Variants in CDC42BPG observed in about 807,000 individuals in gnomAD.
The protein encoded by CDC42BPG is serine/threonine-protein kinase MRCK gamma.
CDC42BPG carries 157 observed loss-of-function variants against 192.2 expected under a neutral mutation model. The ratio of observed to expected loss-of-function variants is 0.82; its 90% CI spans 0.72 to 0.93. The LOEUF (loss-of-function observed/expected upper bound fraction) is 0.93. Ranked by LOEUF, CDC42BPG falls within the 40% of genes least tolerant of loss-of-function variation. CDC42BPG has a pLI of 0.00. For missense variants in CDC42BPG, 1,992 were observed against 2,122.1 expected, an observed-to-expected ratio of 0.94 and a Z score of 1.20; for synonymous variants, 981 against 918.5, an observed-to-expected ratio of 1.07 and a Z score of -1.23.
intron 24 of CDC42BPG, 113 bp downstream of exon 24, chr11:64,833,118 G>A (rs1029712337): frequency 3.9e-6 from 5 of 1,271,224 alleles, no homozygotes; most frequent in African/African-American, 3.0e-5. Context: ...AGCTGAGCAG[G>A]AGGAAATTTG....
Position 64,836,726 on chromosome 11 carries a change from G to GGCCC in CDC42BPG, c.1384+12_1384+13insGGGC. 1.1e-6 allele frequency: 1 copy of GGCCC among 889,332 alleles called. No homozygotes were observed. Among genetic ancestry groups the GGCCC allele is most frequent in the Non-Finnish European group, 1.6e-6 (1 of 622,134 alleles). 55.1% of individuals were successfully genotyped at this position (889,332 alleles called of 1,614,324 possible). A position where few individuals can be genotyped will look rare whatever the true frequency, so the allele number is the denominator to read the frequency against. On this transcript the variant is annotated intron_variant, in intron 11 of 36. Transcript: ENST00000342711. ...AGCCCTGGGGGGGGGGGGGGGGTGG[G>GGCCC]CGGAAGGGATACCTGGCAGCCTGTC...
intron 30 of CDC42BPG, 57 bp from the exon 31 acceptor site, chr11:64,827,840 C>G: frequency 1.4e-6 from 2 of 1,418,630 alleles, no homozygotes; most frequent in Non-Finnish European, 9.7e-7. Flanking sequence ...CAGGGAACAC[C>G]TTGTCCCCTG....
At position 64,839,510 on chromosome 11, in the gene CDC42BPG, C is replaced by T. The variant is rs375157390; in HGVS notation, c.643G>A (p.Gly215Ser). Residue 215 changes from glycine to serine, a missense_variant, in exon 6 of 37, where the codon GGC (glycine) becomes AGC (serine). Transcript: ENST00000342711. Reference protein sequence around the residue: ...VNGHIRLADFGSCLRLNTNGM... With the variant: ...VNGHIRLADFSSCLRLNTNGM... ...TTGGTGTTGAGACGCAGGCAGGAGCCGAAGTCAGCCAGGCGAATGTGCCCG... is the reference window on the plus strand; with the variant it reads ...TTGGTGTTGAGACGCAGGCAGGAGCTGAAGTCAGCCAGGCGAATGTGCCCG... 30 of 1,613,110 alleles carry T rather than the reference C, an allele frequency of 1.9e-5. No individual in the cohort carries two copies. The highest frequency in any genetic ancestry group is 5.0e-5 in the Admixed American group (3 of 59,988).
chr11:64,841,623 C>T (rs1323255236), intron 3 of CDC42BPG, 27 bp downstream of exon 3: 13 of 1,604,488 alleles, frequency 8.1e-6, no homozygotes, highest in Middle Eastern at 1.7e-4. Context: ...GTAGGGTGCC[C>T]AAGGGCCCCC....
intron 5 of CDC42BPG, among the ~76,000 whole-genome samples, 164 bp from the exon 6 acceptor site, chr11:64,839,735 C>A (rs1399579235): frequency 6.6e-6 from 1 of 152,048 alleles, no homozygotes; most frequent in African/African-American, 2.4e-5. Context: ...TGTAGATGAT[C>A]CCACAGGCCA....
chr11:64,833,949 G>A lies in CDC42BPG; in HGVS notation c.2442C>T (p.Pro814=), dbSNP rs1471011029. 6.2e-7 allele frequency: 1 copy of A among 1,614,258 alleles called. No homozygotes were observed. The highest frequency in any genetic ancestry group is 8.5e-7 in the Non-Finnish European group (1 of 1,180,036). Residue 814 remains proline (P), a synonymous_variant, in exon 21 of 37, where the codon CCC becomes CCT. Transcript: ENST00000342711. ...VDTKPSNSLI[P]FLSFRSSEKD... is the part of the protein sequence containing the mutation. ...CCTCTGAGCTCCGGAAGGACAGGAA[G>A]GGAATCAGGGAGTTTGAGGGCTTGG...
chr11:64,839,396 C>A, intron 6 of CDC42BPG, 82 bp downstream of exon 6: 4 of 1,518,586 alleles, frequency 2.6e-6, no homozygotes, highest in East Asian at 4.6e-5. Context: ...GATGCCTCTG[C>A]ACTAGGCCTG....
chr11:64,835,416 C>T lies in CDC42BPG; in HGVS notation c.1884G>A (p.Pro628=), dbSNP rs759580672. Residue 628 remains proline (P), a synonymous_variant, in exon 16 of 37, where the codon CCG becomes CCA. Transcript: ENST00000342711. The part of the protein sequence containing the change: ...EQLEQAHSHR[P]SGKEEALCQL... ...GGCACAGAGCCTCCTCCTTACCACT[C>T]GGCCTGGGGAGGAGAAGGCCAAGGC... is the stretch of plus-strand genomic sequence containing the variant. 35 of 1,613,552 alleles carry T rather than the reference C, an allele frequency of 2.2e-5. No homozygotes were observed. Among genetic ancestry groups the T allele is most frequent in the Admixed American group, 1.0e-4 (6 of 60,014 alleles).
Position 64,827,123 on chromosome 11 carries a change from G to A in CDC42BPG, c.4316C>T (p.Pro1439Leu), listed in dbSNP as rs762513431. ...DPFVRSKLIS[P>L]PTNFNHLVHV... ...TACTAGGTGGTTGAAGTTGGTAGGC[G>A]GCGAGATGAGCTTGGAGCGCACAAA... Residue 1439 changes from proline (P) to leucine (L), a missense_variant, in exon 34 of 37, where the codon CCG (proline) becomes CTG (leucine). Pro to Leu is a moderately conservative substitution (Grantham distance 98). Around this residue, in one of 2 missense-constraint regions of CDC42BPG, gnomAD observed 336 missense variants for 277.9 expected, o/e 1.21. Transcript: ENST00000342711. The A allele has an allele frequency of 2.5e-6, 4 of 1,614,102 alleles. No individual in the cohort carries two copies. Among genetic ancestry groups the A allele is most frequent in the Non-Finnish European group, 3.4e-6 (4 of 1,179,990 alleles).
intron 27 of CDC42BPG, 98 bp from the exon 28 acceptor site, chr11:64,831,819 G>A (rs1234940582): frequency 3.6e-5 from 40 of 1,098,952 alleles, no homozygotes; most frequent in East Asian, 1.6e-4. Flanking sequence ...GGGGCCTAGC[G>A]TGCACTGTCA....
At chr11:64,830,419 G>A in intron 28 of CDC42BPG, 163 bp from the exon 29 acceptor site, 1 of 689,620 alleles carries the variant, frequency 1.5e-6, no homozygotes, top group Non-Finnish European at 2.6e-6. Flanking sequence ...GTCTGGACAG[G>A]CTTTTCCAGA....
At position 64,838,890 on chromosome 11, in the gene CDC42BPG, A is replaced by T; in HGVS notation, c.889T>A (p.Phe297Ile). The T allele has an allele frequency of 2.2e-6, 2 of 893,938 alleles. No homozygotes were observed. Among genetic ancestry groups the T allele is most frequent in the African/African-American group, 1.8e-5 (1 of 54,370 alleles). 55.4% of individuals were successfully genotyped at this position (893,938 alleles called of 1,614,324 possible). The stretch of plus-strand genomic sequence containing the variant: ...GGCACGTCAGGCACGTCCGGGGGGA[A>T]CTGCAGGTGGTCCTGTGGGTCGGGG... ...KIMNHEDHLQ[F>I]PPDVPDVPAS... Residue 297 changes from phenylalanine (F) to isoleucine (I), a missense_variant, in exon 8 of 37, where the codon TTC (phenylalanine) becomes ATC (isoleucine). Around this residue, in one of 2 missense-constraint regions of CDC42BPG, gnomAD observed 1,656 missense variants for 1,844.3 expected, o/e 0.90. Coordinates refer to ENST00000342711, the MANE Select transcript of CDC42BPG (RefSeq NM_017525.3).
At position 64,834,561 on chromosome 11, in the gene CDC42BPG, G is replaced by A. The variant is rs141918746; in HGVS notation, c.2192C>T (p.Ala731Val). 1.7e-5 allele frequency: 27 copies of A among 1,572,668 alleles called. No individual in the cohort carries two copies. The African/African-American group carries it at 2.7e-4, about 16-fold the overall frequency. ...PARPLDHQWKARRLQKMEASA... is the reference protein window; with the variant it reads ...PARPLDHQWKVRRLQKMEASA... ...GGCCTCCATCTTCTGCAGTCGCCGC[G>A]CCTTCCACTGGTGGTCCTGGTGGCC... The change falls in exon 19 of 37, where the codon GCG becomes GTG. Residue 731 changes from alanine to valine, a missense_variant. Ala to Val is a moderately conservative substitution (Grantham distance 64). Transcript: ENST00000342711.
rs1356425924 is a variant in CDC42BPG, at chr11:64,840,243, C to T, written c.458G>A (p.Gly153Asp). 6.2e-7 allele frequency: 1 copy of T among 1,612,564 alleles called. No individual in the cohort carries two copies. Among genetic ancestry groups the T allele is most frequent in the Non-Finnish European group, 8.5e-7 (1 of 1,179,998 alleles). ...YLYLVMDYYA[G>D]GDLLTLLSRF... The stretch of plus-strand genomic sequence containing the variant: ...GCTCAGCAGCGTCAGGAGGTCCCCA[C>T]CAGCATAGTAGTCCATCACAAGGTA... The change falls in exon 5 of 37, where the codon GGT becomes GAT. Residue 153 changes from glycine (G) to aspartate (D), a missense_variant. Gly to Asp is a moderately conservative substitution (Grantham distance 94). Around this residue, in one of 2 missense-constraint regions of CDC42BPG, gnomAD observed 1,656 missense variants for 1,844.3 expected, o/e 0.90. Transcript: ENST00000342711.
At chr11:64,835,017 T>TTGCCCCCCCCCCCCCCCCCCC in intron 17 of CDC42BPG, 30 bp downstream of exon 17, 1 of 1,571,958 alleles carries the variant, frequency 6.4e-7, no homozygotes, top group Non-Finnish European at 8.7e-7. Context: ...TCGCCTGCGT[T>TTGCCCCCCCCCCCCCCCCCCC]CCCCACCCCG....
chr11:64,824,202 C>A lies in CDC42BPG; in HGVS notation c.*271G>T, dbSNP rs577547564. 20 of 525,294 alleles carry A rather than the reference C, an allele frequency of 3.8e-5. No homozygotes were observed. Among genetic ancestry groups the A allele is most frequent in the African/African-American group, 2.9e-4 (15 of 51,976 alleles). The allele number at this position is 525,294 out of a possible 1,614,324, so 32.5% of individuals were successfully genotyped here. On this transcript the variant is annotated 3_prime_UTR_variant, in exon 37 of 37. Transcript: ENST00000342711. ...GGAAATAAGAGCTTTGGCACAATCA[C>A]CCCTGGACACCAGAACAAAAGGGGC...
rs1281113744 is a variant in CDC42BPG at position 64,827,072 on chromosome 11, G to A, written c.4367C>T (p.Pro1456Leu). 1.9e-6 allele frequency: 3 copies of A among 1,613,016 alleles called. No homozygotes were observed. The change falls in exon 34 of 37, where the codon CCC becomes CTC. Residue 1456 changes from proline (P) to leucine (L), a missense_variant. By Grantham distance (98) the Pro-to-Leu change is moderately conservative. Coordinates refer to ENST00000342711, the MANE Select transcript of CDC42BPG (RefSeq NM_017525.3). ...AACCGGGGACTTGTCCCTGGCGCCG[G>A]GCCGCCCGTTGGCAGGGCCCACGTG... The part of the protein sequence containing the change: ...LVHVGPANGR[P>L]GARDKSPAPE...
At chr11:64,827,245 C>A (rs778467776) in intron 33 of CDC42BPG, 33 bp downstream of exon 33, 1 of 1,613,028 alleles carries the variant, frequency 6.2e-7, no homozygotes, top group African/African-American at 1.3e-5. Context: ...GGCGGCCCCA[C>A]CCAGCCTCAG....
intron 34 of CDC42BPG, 95 bp from the exon 35 acceptor site, chr11:64,826,889 G>A (rs947015866): frequency 7.4e-7 from 1 of 1,355,934 alleles, no homozygotes; most frequent in Non-Finnish European, 9.9e-7. Context: ...AACGCCACTG[G>A]GCCCCCAGCC....
Sources: gnomAD v4.1 joint callset for allele counts (sites outside exome capture counted in the v4.1 genomes callset) on GRCh38, gnomAD v4.1.1 for gene constraint, gnomAD v4.1.1 regional missense constraint, MANE v1.5 for transcripts, NCBI Gene and HGNC (gene_info 2026-07-23, HGNC 2026-07-21) for gene names.